The following CDC42BPB variants were observed in gnomAD, a reference collection of about 807,000 sequenced individuals.
The protein encoded by CDC42BPB is serine/threonine-protein kinase MRCK beta.
CDC42BPB carries 37 observed loss-of-function variants against 214.9 expected under a neutral mutation model. The ratio of observed to expected loss-of-function variants is 0.17; its 90% CI spans 0.13 to 0.23. The LOEUF is 0.23. Ranked by LOEUF, CDC42BPB falls within the 10% of genes least tolerant of loss-of-function variation. The pLI, the probability that CDC42BPB is intolerant of heterozygous loss-of-function variation, is 1.00. For synonymous variants in CDC42BPB, 931 were observed against 884.0 expected (o/e 1.05, Z -0.94); for missense variants, 1,694 against 2,227.0 (o/e 0.76, Z 4.82).
chr14:102,940,575 CAG>C, intron 30 of CDC42BPB: 2 of 1,009,060 alleles, frequency 2.0e-6, no homozygotes, highest in South Asian at 1.8e-5. Flanking sequence ...TACTACAGTA[CAG>C]ATGTTGAAGG....
At chr14:103,019,450 G>C (rs1205160011) in intron 1 of CDC42BPB, among the ~76,000 whole-genome samples, 1 of 152,166 alleles carries the variant, frequency 6.6e-6, no homozygotes, top group Non-Finnish European at 1.5e-5. Flanking sequence ...CCCTCACCCA[G>C]CACAAAGCCA....
At chr14:102,983,458 C>T (rs1017832043) in intron 7 of CDC42BPB, 98 bp downstream of exon 7, 10 of 1,531,116 alleles carry the variant, frequency 6.5e-6, no homozygotes, top group South Asian at 3.7e-5. Context: ...CTCAACTACT[C>T]GCGTTGCTTC....
In CDC42BPB at chr14:102,974,024, G is replaced by A. The variant is rs762682023; in HGVS notation, c.1633C>T (p.Leu545=). The part of the protein sequence containing the change: ...HRVVRQEKEE[L]HKQLVEASER... ...CAAACTGAGCCACCTACCTTGTGCA[G>A]CTCCTCCTTCTCCTGCCGGACCACG... The change falls in exon 12 of 37, where the codon CTG becomes TTG. Residue 545 remains leucine, a synonymous_variant. Coordinates refer to ENST00000361246, the MANE Select transcript of CDC42BPB (RefSeq NM_006035.4). 2.5e-6 allele frequency: 4 copies of A among 1,609,050 alleles called. No homozygotes were observed. The South Asian group carries it at 3.3e-5, about 13-fold the overall frequency.
intron 1 of CDC42BPB, chr14:103,041,960 C>T: frequency 2.8e-6 from 1 of 354,770 alleles, no homozygotes; most frequent in South Asian, 2.5e-5. Flanking sequence ...AAGGAGAAAG[C>T]CCAAGTCATC....
At position 103,030,711 on chromosome 14, in the gene CDC42BPB, G is replaced by C. The variant is rs548240070; in HGVS notation, c.176-18523C>G. 5.6e-4 allele frequency among the ~76,000 whole-genome samples: 85 copies of C among 152,108 alleles called. No individual in the cohort carries two copies. In the Middle Eastern group the frequency reaches 0.014, roughly 24 times the overall value. On this transcript the variant is annotated intron_variant, in intron 1 of 36. Transcript: ENST00000361246. Reference sequence around the variant, plus strand: ...GCTCCATCTCAAAAAAAAGTGTTCAGGGCTGGCTCACACCTATAATCCCAG... The same window carrying C: ...GCTCCATCTCAAAAAAAAGTGTTCACGGCTGGCTCACACCTATAATCCCAG...
At chr14:102,959,807 G>T in intron 20 of CDC42BPB, 97 bp from the exon 21 acceptor site, 4 of 993,306 alleles carry the variant, frequency 4.0e-6, no homozygotes, top group Non-Finnish European at 5.3e-6. Context: ...AATTCTCCTT[G>T]AGTAACTGAT....
chr14:103,051,573 A>C (rs1241082150), intron 1 of CDC42BPB, among the ~76,000 whole-genome samples: 2 of 152,210 alleles, frequency 1.3e-5, no homozygotes, highest in Non-Finnish European at 2.9e-5. Context: ...GAGACATCTA[A>C]GGGCACCTGG....
chr14:103,044,392 CAG>C (rs1369549131), intron 1 of CDC42BPB, among the ~76,000 whole-genome samples: 3 of 133,446 alleles, frequency 2.2e-5, no homozygotes, highest in East Asian at 2.2e-4. Flanking sequence ...TTTTTTGAGA[CAG>C]AGTCTCGCTC....
At chr14:103,038,926 G>T (rs1192565445) in intron 1 of CDC42BPB, among the ~76,000 whole-genome samples, 1 of 152,092 alleles carries the variant, frequency 6.6e-6, no homozygotes, top group Non-Finnish European at 1.5e-5. Flanking sequence ...AAATTGCTAG[G>T]ATGGAAATAA....
rs778075502 is a variant in CDC42BPB, at chr14:102,940,308, G to A, written c.4425C>T (p.His1475=). The change falls in exon 31 of 37, where the codon CAC becomes CAT. Residue 1475 remains histidine (H), a synonymous_variant. Transcript: ENST00000361246. ...APVACSCSPT[H]VTVYSEYGVD... ...CGCCATACTCGCTGTACACCGTGAC[G>A]TGGGTGGGGCTGCAACCTAGCGCAG... is the stretch of plus-strand genomic sequence containing the variant. 3.2e-6 allele frequency: 5 copies of A among 1,575,378 alleles called. No individual in the cohort carries two copies. The highest frequency in any genetic ancestry group is 1.2e-5 in the South Asian group (1 of 86,376).
intron 29 of CDC42BPB, 116 bp downstream of exon 29, chr14:102,945,546 C>T (rs531126997): frequency 2.9e-5 from 25 of 876,932 alleles, no homozygotes; most frequent in East Asian, 2.5e-4. Flanking sequence ...CTGGCCCCTC[C>T]GGCGCCTTCA....
chr14:102,981,270 A>G (rs991254371), intron 7 of CDC42BPB: 1 of 834,312 alleles, frequency 1.2e-6, no homozygotes, highest in Non-Finnish European at 1.4e-6. Context: ...TTACCTATGG[A>G]AGTGGCAAGG....
At chr14:102,950,364 C>T in intron 25 of CDC42BPB, 102 bp downstream of exon 25, 1 of 1,468,080 alleles carries the variant, frequency 6.8e-7, no homozygotes, top group Middle Eastern at 2.4e-4. Context: ...ACCAGGGCCA[C>T]CTGCCGCAGC....
At chr14:103,047,283 A>AC (rs1315602136) in intron 1 of CDC42BPB, among the ~76,000 whole-genome samples, 24 of 144,976 alleles carry the variant, frequency 1.7e-4, no homozygotes, top group African/African-American at 6.3e-4. Flanking sequence ...TACTCTCAAA[A>AC]AAAAAAAAAA....
At chr14:102,980,321 C>T (rs994805680) in intron 8 of CDC42BPB, among the ~76,000 whole-genome samples, 4 of 152,122 alleles carry the variant, frequency 2.6e-5, no homozygotes, top group East Asian at 3.9e-4. Context: ...GGTGAAACCC[C>T]GTCTCTACTA....
At chr14:102,942,843 T>C (rs1323473403) in intron 30 of CDC42BPB, among the ~76,000 whole-genome samples, 2 of 152,106 alleles carry the variant, frequency 1.3e-5, no homozygotes, top group African/African-American at 4.8e-5. Flanking sequence ...TAGCTGGGAC[T>C]ACAGGCATGT....
At position 102,933,415 on chromosome 14, in the gene CDC42BPB, A is replaced by C. The variant is rs141834100; in HGVS notation, c.*297T>G. On this transcript the variant is annotated 3_prime_UTR_variant, in exon 37 of 37. Coordinates refer to ENST00000361246, the MANE Select transcript of CDC42BPB (RefSeq NM_006035.4). ...TTTCTGCTGAGGAAGTGGTGTTGGC[A>C]GGGCCCCATATGCCCTCTCGGGTTG... 5.1e-4 allele frequency: 153 copies of C among 299,878 alleles called. No individual in the cohort carries two copies. Among genetic ancestry groups the C allele is most frequent in the Non-Finnish European group, 8.1e-4 (133 of 163,466 alleles). 18.6% of individuals were successfully genotyped at this position (299,878 alleles called of 1,614,324 possible).
chr14:103,024,753 G>C (rs1886955110), intron 1 of CDC42BPB, among the ~76,000 whole-genome samples: 1 of 152,060 alleles, frequency 6.6e-6, no homozygotes, highest in South Asian at 2.1e-4. Context: ...TCTACATATG[G>C]GTCAGGGATG....
At position 102,980,803 on chromosome 14, in the gene CDC42BPB, G is replaced by A. The variant is rs12432150; in HGVS notation, c.1110C>T (p.Phe370=). Residue 370 remains phenylalanine (F), a synonymous_variant, in exon 8 of 37, where the codon TTC becomes TTT. Coordinates refer to ENST00000361246, the MANE Select transcript of CDC42BPB (RefSeq NM_006035.4). ...DVSSPSDTSN[F]DVDDDVLRNT... is the part of the protein sequence containing the mutation. ...TTCTCAGCACGTCGTCATCCACGTC[G>A]AAGTTGGATGTGTCAGAGGGACTGC... 526 of 1,614,142 alleles carry A rather than the reference G, an allele frequency of 3.3e-4. 2 individuals carry two copies. The Admixed American group carries it at 6.7e-3, about 21-fold the overall frequency.
Sources: allele counts gnomAD v4.1 joint callset (sites outside exome capture counted in the v4.1 genomes callset), GRCh38; gene constraint gnomAD v4.1.1; transcripts MANE v1.5; gene names NCBI Gene and HGNC (gene_info 2026-07-23, HGNC 2026-07-21).